DPP10: variants seen among roughly 807,000 people sequenced by gnomAD.
The protein encoded by DPP10 is inactive dipeptidyl peptidase 10.
In DPP10, 33 loss-of-function variants were observed where a neutral mutation model predicts 120.9. That is an observed-to-expected ratio of 0.27 (90% confidence interval 0.21 to 0.37). The LOEUF is 0.37. Among genes scored for constraint, DPP10 ranks in the 10% least tolerant of loss-of-function variants. The pLI is 1.00. For missense variants in DPP10, 816 were observed against 942.8 expected (o/e 0.87, Z 1.76); for synonymous variants, 337 against 326.1 (o/e 1.03, Z -0.36).
intron 1 of DPP10, among the ~76,000 whole-genome samples, chr2:114,521,838 C>T (rs35789157): frequency 0.39 from 51,761 of 132,320 alleles, 10,109 homozygotes; most frequent in Non-Finnish European, 0.44. Flanking sequence ...GATGGAGTCT[C>T]GCTCTGTCGC....
intron 1 of DPP10, among the ~76,000 whole-genome samples, chr2:114,458,826 T>C (rs1037460995): frequency 6.6e-6 from 1 of 152,196 alleles, no homozygotes; most frequent in Non-Finnish European, 1.5e-5. Flanking sequence ...ATTGAAGAGA[T>C]CATTAATAAA....
chr2:115,703,914 A>T (rs2149542417), intron 7 of DPP10, among the ~76,000 whole-genome samples: 1 of 152,066 alleles, frequency 6.6e-6, no homozygotes, highest in Non-Finnish European at 1.5e-5. Flanking sequence ...GAGCCTCATC[A>T]TCTTTCACCT....
At chr2:114,539,651 G>A (rs1230869855) in intron 1 of DPP10, among the ~76,000 whole-genome samples, 3 of 152,150 alleles carry the variant, frequency 2.0e-5, no homozygotes, top group Admixed American at 1.3e-4. Flanking sequence ...TTCCATGCAC[G>A]TAGAGAGCAT....
chr2:114,538,760 G>A (rs1686714231), intron 1 of DPP10, among the ~76,000 whole-genome samples: 1 of 152,144 alleles, frequency 6.6e-6, no homozygotes, highest in Non-Finnish European at 1.5e-5. Context: ...GTATGGAAGT[G>A]CTTCTTCTTG....
At chr2:115,314,296 T>A (rs1435624287) in intron 2 of DPP10, among the ~76,000 whole-genome samples, 1 of 152,218 alleles carries the variant, frequency 6.6e-6, no homozygotes, top group Non-Finnish European at 1.5e-5. Context: ...TTTGACTGTG[T>A]CTGTAATCGG....
chr2:115,366,490 T>C (rs1381136385), intron 3 of DPP10, among the ~76,000 whole-genome samples: 1 of 152,128 alleles, frequency 6.6e-6, no homozygotes, highest in Non-Finnish European at 1.5e-5. Context: ...TATGTATGTC[T>C]TTAAGTTAGT....
chr2:114,886,499 T>A (rs536350175), intron 1 of DPP10, among the ~76,000 whole-genome samples: 2 of 152,214 alleles, frequency 1.3e-5, no homozygotes, highest in Non-Finnish European at 2.9e-5. Context: ...ATAGAATTTA[T>A]CTATGCAGCA....
chr2:115,422,393 T>C (rs2070057410), intron 3 of DPP10, among the ~76,000 whole-genome samples: 1 of 152,188 alleles, frequency 6.6e-6, no homozygotes, highest in Admixed American at 6.5e-5. Flanking sequence ...CTTGACAGTT[T>C]AGGTAAGAAG....
At chr2:114,716,421 C>T (rs1701350280) in intron 1 of DPP10, among the ~76,000 whole-genome samples, 1 of 152,162 alleles carries the variant, frequency 6.6e-6, no homozygotes, top group African/African-American at 2.4e-5. Flanking sequence ...CACATCTAAA[C>T]CCGAAAACAA....
At chr2:115,337,847 C>A (rs1308051971) in intron 2 of DPP10, among the ~76,000 whole-genome samples, 3 of 151,370 alleles carry the variant, frequency 2.0e-5, no homozygotes, top group Non-Finnish European at 4.4e-5. Context: ...GAAAGCAACA[C>A]AGAAGAAGAA....
chr2:115,104,866 C>T (rs566141412), intron 1 of DPP10, among the ~76,000 whole-genome samples: 24 of 152,120 alleles, frequency 1.6e-4, no homozygotes, highest in Admixed American at 9.8e-4. Context: ...ATTAGCCGGG[C>T]GTGGAGGCAC....
chr2:115,045,476 T>C (rs911202848), intron 1 of DPP10, among the ~76,000 whole-genome samples: 2 of 152,206 alleles, frequency 1.3e-5, no homozygotes, highest in African/African-American at 4.8e-5. Context: ...TGGAAAGTTC[T>C]ATCTTATTAT....
intron 1 of DPP10, among the ~76,000 whole-genome samples, chr2:114,813,443 G>A (rs183727346): frequency 3.3e-5 from 5 of 152,240 alleles, no homozygotes; most frequent in Admixed American, 6.5e-5. Flanking sequence ...GCTCCTGCAC[G>A]CAGTAAATAG....
chr2:115,516,708 A>G (rs1293432017), intron 4 of DPP10, among the ~76,000 whole-genome samples: 1 of 151,840 alleles, frequency 6.6e-6, no homozygotes, highest in Non-Finnish European at 1.5e-5. Context: ...ATATTTTAGC[A>G]TACCAATATG....
intron 1 of DPP10, among the ~76,000 whole-genome samples, chr2:114,904,002 G>T (rs1409005075): frequency 6.6e-6 from 1 of 152,200 alleles, no homozygotes; most frequent in Admixed American, 6.5e-5. Context: ...CACCATCTGA[G>T]ATGACAAATA....
At chr2:115,677,394 T>TA (rs1268167007) in intron 5 of DPP10, among the ~76,000 whole-genome samples, 1 of 148,010 alleles carries the variant, frequency 6.8e-6, no homozygotes, top group Non-Finnish European at 1.5e-5. Context: ...GAAAACAATG[T>TA]AAAAAATGAT....
At chr2:114,641,431 A>T (rs1355607804) in intron 1 of DPP10, among the ~76,000 whole-genome samples, 1 of 151,908 alleles carries the variant, frequency 6.6e-6, no homozygotes, top group Non-Finnish European at 1.5e-5. Context: ...GGTGCTGCAA[A>T]CCTAAGACAC....
At position 114,645,097 on chromosome 2, in the gene DPP10, C is replaced by T. The variant is rs532537770; in HGVS notation, c.60+202259C>T. Among the ~76,000 whole-genome samples, 72 of 150,040 alleles carry T rather than the reference C, an allele frequency of 4.8e-4. 1 individual carries two copies. The highest frequency in any genetic ancestry group is 6.8e-3 in the Middle Eastern group (2 of 294). On this transcript the variant is annotated intron_variant, in intron 1 of 25. Coordinates refer to ENST00000410059, the MANE Select transcript of DPP10 (RefSeq NM_020868.6). ...CAAGTATTGTAAGTGTGATGAGTGA[C>T]GGGAATAAGTGCGGGACACACTTGC...
At chr2:114,755,461 T>C (rs987215461) in intron 1 of DPP10, among the ~76,000 whole-genome samples, 1 of 151,972 alleles carries the variant, frequency 6.6e-6, no homozygotes, top group Admixed American at 6.5e-5. Context: ...ATCCGGCAAC[T>C]ATCAGTATTG....
Sources: gnomAD v4.1 joint callset for allele counts (sites outside exome capture counted in the v4.1 genomes callset) on GRCh38, gnomAD v4.1.1 for gene constraint, MANE v1.5 for transcripts, NCBI Gene and HGNC (gene_info 2026-07-23, HGNC 2026-07-21) for gene names.